Variants in DPEP1 observed in about 807,000 individuals in gnomAD.
DPEP1 encodes dipeptidase 1.
A neutral mutation model predicts 42.3 loss-of-function variants in DPEP1; 50 were observed. The ratio of observed to expected loss-of-function variants is 1.18; its 90% CI spans 0.94 to 1.50. DPEP1 has a LOEUF of 1.50. Among genes scored for constraint, DPEP1 ranks in the 40% most tolerant of loss-of-function variants. The pLI is 0.00. For synonymous variants in DPEP1, 297 were observed against 234.0 expected, an observed-to-expected ratio of 1.27 and a Z score of -2.46; for missense variants, 663 against 553.0, an observed-to-expected ratio of 1.20 and a Z score of -1.99.
Position 89,623,869 on chromosome 16 carries a change from C to T in DPEP1, c.-106-6436C>T, listed in dbSNP as rs144895364. Among the ~76,000 whole-genome samples the T allele has an allele frequency of 5.3e-3, 808 of 152,192 alleles. 7 individuals carry two copies. The highest frequency in any genetic ancestry group is 0.024 in the South Asian group (118 of 4,818). ...TTCCCTGGACCGGAGGCAGAGGAAACGCTCCAGGGAGTGAAAAAGCCTCAC... is the reference window on the plus strand; with the variant it reads ...TTCCCTGGACCGGAGGCAGAGGAAATGCTCCAGGGAGTGAAAAAGCCTCAC... On this transcript the variant is annotated intron_variant, in intron 1 of 10. Coordinates refer to ENST00000690203, the MANE Select transcript of DPEP1 (RefSeq NM_001389466.1).
Position 89,638,389 on chromosome 16 carries a change from G to C in DPEP1, c.*167G>C. The C allele has an allele frequency of 7.1e-7, 1 of 1,405,712 alleles. No homozygotes were observed. Among genetic ancestry groups the C allele is most frequent in the South Asian group, 1.7e-5 (1 of 59,916 alleles). The allele number at this position is 1,405,712 out of a possible 1,614,324, so 87.1% of individuals were successfully genotyped here. A position where few individuals can be genotyped will look rare whatever the true frequency, so the allele number is the denominator to read the frequency against. Reference sequence around the variant, plus strand: ...GGCAGGATGCCTGGGGACAGTTCAGGACACACACACAGTAGGCCCGCAATA... The same window carrying C: ...GGCAGGATGCCTGGGGACAGTTCAGCACACACACACAGTAGGCCCGCAATA... On this transcript the variant is annotated 3_prime_UTR_variant, in exon 11 of 11. Coordinates refer to ENST00000690203, the MANE Select transcript of DPEP1 (RefSeq NM_001389466.1).
intron 1 of DPEP1, among the ~76,000 whole-genome samples, chr16:89,623,833 G>T (rs1192736463): frequency 6.6e-6 from 1 of 152,156 alleles, no homozygotes; most frequent in Non-Finnish European, 1.5e-5. Context: ...AGGGATACGG[G>T]CGACTGGAAA....
Position 89,636,906 on chromosome 16 carries a change from C to T in DPEP1, c.562C>T (p.Gln188Ter). ...GGTGGACACGGGAGACAGCGAGCCC[C>T]AGAGCCAAGGCTTGTCACCCTTTGG... The part of the protein sequence containing the change: ...WLVDTGDSEP[Q>*]SQGLSPFGQR... The change falls in exon 6 of 11, where the codon CAG (glutamine) becomes TAG (stop). Residue 188 changes from glutamine (Q) to a stop codon, truncating the protein, a stop_gained. Transcript: ENST00000690203. LOFTEE classifies it high-confidence loss of function. The T allele has an allele frequency of 6.8e-6, 11 of 1,612,538 alleles. No individual in the cohort carries two copies. The highest frequency in any genetic ancestry group is 1.3e-5 in the African/African-American group (1 of 75,054).
intron 2 of DPEP1, among the ~76,000 whole-genome samples, chr16:89,630,936 G>A (rs1165450501): frequency 6.6e-6 from 1 of 151,966 alleles, no homozygotes; most frequent in Non-Finnish European, 1.5e-5. Flanking sequence ...GTCTCTCAGG[G>A]CCCCCAAAGA....
chr16:89,615,661 C>A (rs915641037), intron 1 of DPEP1, among the ~76,000 whole-genome samples: 6 of 152,208 alleles, frequency 3.9e-5, no homozygotes, highest in African/African-American at 1.4e-4. Flanking sequence ...TGAAGTGAGC[C>A]CCCAGGACCC....
rs766200629 is a variant in DPEP1 at position 89,630,504 on chromosome 16, G to T, written c.94G>T (p.Val32Phe). The T allele has an allele frequency of 2.5e-6, 4 of 1,581,640 alleles. No individual in the cohort carries two copies. The highest frequency in any genetic ancestry group is 3.4e-6 in the Non-Finnish European group (4 of 1,162,476). ...AGAGAGGATCATGAGGGACTCCCCT[G>T]TCATTGATGGGTGAGTGCTCACCTG... The part of the protein sequence containing the change: ...EAERIMRDSP[V>F]IDGHNDLPWQ... Residue 32 changes from valine to phenylalanine, a missense_variant, in exon 2 of 11, where the codon GTC becomes TTC. Physicochemically the swap from Val to Phe is conservative, Grantham distance 50. Coordinates refer to ENST00000690203, the MANE Select transcript of DPEP1 (RefSeq NM_001389466.1).
At chr16:89,622,684 T>G (rs1165101273) in intron 1 of DPEP1, among the ~76,000 whole-genome samples, 2 of 151,014 alleles carry the variant, frequency 1.3e-5, no homozygotes, top group Non-Finnish European at 2.9e-5. Flanking sequence ...CTTGGGAGGC[T>G]GAGGCAGGAG....
downstream of DPEP1, among the ~76,000 whole-genome samples, chr16:89,639,001 A>G (rs1597779296): frequency 1.6e-5 from 1 of 61,216 alleles, no homozygotes; most frequent in Non-Finnish European, 2.9e-5. Flanking sequence ...CCCTGCACAC[A>G]CACACACACC....
At chr16:89,639,566 C>G (rs2059729094), downstream of DPEP1, among the ~76,000 whole-genome samples, 1 of 145,888 alleles carries the variant, frequency 6.9e-6, no homozygotes, top group Non-Finnish European at 1.5e-5. Context: ...ACACCCTGCA[C>G]ACACCCCACA....
At chr16:89,638,987 C>G (rs1475163696), downstream of DPEP1, among the ~76,000 whole-genome samples, 2 of 80,838 alleles carry the variant, frequency 2.5e-5, no homozygotes, top group African/African-American at 5.8e-5. Context: ...CACACACACC[C>G]CACCCCTGCA....
chr16:89,637,608 C>G (rs1230947964), intron 8 of DPEP1, 24 bp from the exon 9 acceptor site: 1 of 1,612,840 alleles, frequency 6.2e-7, no homozygotes, highest in Non-Finnish European at 8.5e-7. Context: ...CACTCGGGAC[C>G]CATACCTGCT....
downstream of DPEP1, among the ~76,000 whole-genome samples, chr16:89,641,293 G>A (rs2059741190): frequency 6.6e-6 from 1 of 152,074 alleles, no homozygotes; most frequent in African/African-American, 2.4e-5. Flanking sequence ...GCGCCCCCGG[G>A]GAAAGGGAGA....
chr16:89,622,092 G>A (rs1010035725), intron 1 of DPEP1, among the ~76,000 whole-genome samples: 10 of 152,150 alleles, frequency 6.6e-5, no homozygotes, highest in African/African-American at 2.4e-4. Context: ...GTGGGGTGGG[G>A]CCTCGGTGCA....
chr16:89,616,474 G>A (rs1300084386), intron 1 of DPEP1, among the ~76,000 whole-genome samples: 2 of 152,150 alleles, frequency 1.3e-5, no homozygotes, highest in African/African-American at 2.4e-5. Flanking sequence ...GTCGCCAGGA[G>A]GCATCTGCAT....
chr16:89,625,285 A>G (rs1190208801), intron 1 of DPEP1, among the ~76,000 whole-genome samples: 1 of 152,074 alleles, frequency 6.6e-6, no homozygotes, highest in Non-Finnish European at 1.5e-5. Context: ...CCCAGACCCT[A>G]TTCTCCTGCT....
intron 1 of DPEP1, among the ~76,000 whole-genome samples, chr16:89,629,908 G>A (rs1274746096): frequency 6.6e-6 from 1 of 152,220 alleles, no homozygotes; most frequent in Non-Finnish European, 1.5e-5. Context: ...AGTCACGTAA[G>A]ATGATTTTTA....
chr16:89,627,135 T>C (rs2059524715), intron 1 of DPEP1, among the ~76,000 whole-genome samples: 2 of 151,164 alleles, frequency 1.3e-5, no homozygotes, highest in South Asian at 4.2e-4. Flanking sequence ...TAGCCGGGCG[T>C]GGTGGCGGGC....
intron 2 of DPEP1, among the ~76,000 whole-genome samples, chr16:89,633,842 C>G (rs1185369260): frequency 4.6e-5 from 7 of 152,068 alleles, no homozygotes; most frequent in Non-Finnish European, 7.4e-5. Context: ...TGGCCTCATC[C>G]CAGCGCACAC....
At chr16:89,626,695 A>C (rs367767180) in intron 1 of DPEP1, among the ~76,000 whole-genome samples, 10 of 147,076 alleles carry the variant, frequency 6.8e-5, no homozygotes, top group African/African-American at 1.7e-4. Flanking sequence ...CCCCCCCTCA[A>C]ACTCTCTCCC....
Sources: gnomAD v4.1 joint callset for allele counts (sites outside exome capture counted in the v4.1 genomes callset) on GRCh38, gnomAD v4.1.1 for gene constraint, MANE v1.5 for transcripts, NCBI Gene and HGNC (gene_info 2026-07-23, HGNC 2026-07-21) for gene names.